The following UTRN variants were observed in gnomAD, a reference collection of about 807,000 sequenced individuals.
UTRN encodes the protein dystrophin-related protein 1.
Under a neutral mutation model 463.9 loss-of-function variants are expected in UTRN, and 283 were observed. The observed-to-expected ratio is 0.61, with a 90% CI of 0.55 to 0.67. The LOEUF is 0.67. Ranked by LOEUF, UTRN falls within the 30% of genes least tolerant of loss-of-function variation. The pLI is 0.00. For synonymous variants in UTRN, 1,442 were observed against 1,431.5 expected, an observed-to-expected ratio of 1.01 and a Z score of -0.17; for missense variants, 3,922 against 4,084.3, an observed-to-expected ratio of 0.96 and a Z score of 1.08.
chr6:144,759,580 A>T (rs1228769701), intron 58 of UTRN, among the ~76,000 whole-genome samples: 1 of 152,148 alleles, frequency 6.6e-6, no homozygotes, highest in Admixed American at 6.6e-5. Flanking sequence ...AATGGAATTA[A>T]GGTTGCAAAT....
intron 65 of UTRN, among the ~76,000 whole-genome samples, chr6:144,815,698 T>C (rs1296581991): frequency 6.6e-6 from 1 of 152,252 alleles, no homozygotes; most frequent in Non-Finnish European, 1.5e-5. Context: ...GTTCTAGCCA[T>C]ACTGGCAAGT....
intron 7 of UTRN, among the ~76,000 whole-genome samples, chr6:144,427,668 T>C (rs1179840199): frequency 6.6e-6 from 1 of 152,208 alleles, no homozygotes; most frequent in Non-Finnish European, 1.5e-5. Flanking sequence ...TGGTACACTT[T>C]TTATGAGGTT....
At chr6:144,635,514 C>CTTTTCTTTTTTTT (rs1777035213) in intron 51 of UTRN, among the ~76,000 whole-genome samples, 4 of 80,010 alleles carry the variant, frequency 5.0e-5, no homozygotes, top group African/African-American at 2.0e-4. Context: ...CTTTTTTTTT[C>CTTTTCTTTTTTTT]TTTTTTTTTT....
chr6:144,570,728 T>C lies in UTRN; in HGVS notation c.7290-6371T>C, dbSNP rs117171199. ...CCAAAGTGTGCTGCTGAAGTTACTT[T>C]ACCCAGTGGAATACTGTCTGAGGCC... is the stretch of plus-strand genomic sequence containing the variant. On this transcript the variant is annotated intron_variant, in intron 50 of 74. Coordinates refer to ENST00000367545, the MANE Select transcript of UTRN (RefSeq NM_007124.3). Among the ~76,000 whole-genome samples, 160 of 152,320 alleles carry C rather than the reference T, an allele frequency of 1.1e-3. 1 individual carries two copies. The highest frequency in any genetic ancestry group is 6.8e-3 in the South Asian group (33 of 4,828).
At chr6:144,469,910 G>GCTTGA (rs1562447744) in intron 23 of UTRN, among the ~76,000 whole-genome samples, 5 of 151,842 alleles carry the variant, frequency 3.3e-5, no homozygotes, top group Non-Finnish European at 7.4e-5. Flanking sequence ...GACTCTTAAC[G>GCTTGA]AGCATGCTGC....
intron 53 of UTRN, chr6:144,708,327 C>T (rs1027216585): frequency 6.0e-6 from 4 of 666,786 alleles, no homozygotes; most frequent in African/African-American, 3.6e-5. Context: ...AAGAAGTCTT[C>T]TGTATTTTCC....
intron 53 of UTRN, among the ~76,000 whole-genome samples, chr6:144,717,625 TTCTTTTTTC>T: frequency 3.7e-5 from 5 of 133,944 alleles, no homozygotes; most frequent in African/African-American, 1.5e-4. Flanking sequence ...TCTTTTTCTT[TTCTTTTTTC>T]TTTTTTTTTT....
intron 60 of UTRN, among the ~76,000 whole-genome samples, chr6:144,775,359 A>T (rs2128735164): frequency 6.6e-6 from 1 of 152,328 alleles, no homozygotes; most frequent in South Asian, 2.1e-4. Context: ...TGTATGGAAG[A>T]GAAGTCTACA....
chr6:144,437,707 G>A lies in UTRN; in HGVS notation c.1202G>A (p.Trp401Ter). 1.9e-6 allele frequency: 3 copies of A among 1,614,070 alleles called. No individual in the cohort carries two copies. The highest frequency in any genetic ancestry group is 2.5e-6 in the Non-Finnish European group (3 of 1,179,970). Reference protein sequence around the residue: ...QEQMTLLNARWEALRVESMDR... With the variant: ...QEQMTLLNAR The stretch of plus-strand genomic sequence containing the variant: ...CAGATGACCCTGCTGAATGCTAGAT[G>A]GGAGGCTCTTAGGGTGGAGAGTATG... The change falls in exon 11 of 75, where the codon TGG becomes TAG. Residue 401 changes from tryptophan to a stop codon, truncating the protein, a stop_gained. Transcript: ENST00000367545. LOFTEE classifies it high-confidence loss of function.
At chr6:144,441,088 A>G (rs989181106) in intron 13 of UTRN, among the ~76,000 whole-genome samples, 10 of 152,156 alleles carry the variant, frequency 6.6e-5, no homozygotes, top group Non-Finnish European at 5.9e-5. Context: ...TTGGATGGGG[A>G]CACAAGCAAA....
At chr6:144,314,934 A>T (rs1192764143) in intron 2 of UTRN, among the ~76,000 whole-genome samples, 2 of 151,374 alleles carry the variant, frequency 1.3e-5, no homozygotes, top group African/African-American at 4.9e-5. Flanking sequence ...ATGTATATAT[A>T]TACCTCTCTC....
chr6:144,593,018 TA>T (rs1803266097), intron 51 of UTRN, among the ~76,000 whole-genome samples: 1 of 152,162 alleles, frequency 6.6e-6, no homozygotes, highest in East Asian at 1.9e-4. Flanking sequence ...GAAGGGGCAG[TA>T]AAATCTGAAT....
intron 43 of UTRN, among the ~76,000 whole-genome samples, 164 bp from the exon 44 acceptor site, chr6:144,537,418 A>G (rs1271525648): frequency 6.6e-6 from 1 of 151,914 alleles, no homozygotes; most frequent in African/African-American, 2.4e-5. Context: ...CAATCTTTAT[A>G]TTGTAGAATA....
At chr6:144,567,835 A>G (rs186679088) in intron 50 of UTRN, among the ~76,000 whole-genome samples, 55 of 152,296 alleles carry the variant, frequency 3.6e-4, no homozygotes, top group Middle Eastern at 6.8e-3. Context: ...TGCTCTTTTC[A>G]TTAAACTCTT....
intron 2 of UTRN, among the ~76,000 whole-genome samples, chr6:144,333,664 C>T (rs987157725): frequency 8.6e-5 from 13 of 152,030 alleles, no homozygotes; most frequent in Admixed American, 2.6e-4. Flanking sequence ...GGTGGCAGAT[C>T]GGGCTTCTCA....
intron 60 of UTRN, among the ~76,000 whole-genome samples, chr6:144,777,235 G>A (rs994096931): frequency 2.6e-5 from 4 of 152,054 alleles, no homozygotes; most frequent in African/African-American, 9.7e-5. Context: ...ACTTTTCATA[G>A]TAAAACTCAT....
intron 19 of UTRN, 47 bp downstream of exon 19, chr6:144,453,916 C>T (rs779790423): frequency 3.3e-5 from 50 of 1,525,838 alleles, no homozygotes; most frequent in African/African-American, 4.1e-5. Context: ...ATGGTGGCAT[C>T]GAATAATATT....
At chr6:144,801,024 C>T (rs781673729) in intron 64 of UTRN, among the ~76,000 whole-genome samples, 3 of 152,076 alleles carry the variant, frequency 2.0e-5, no homozygotes, top group Admixed American at 1.3e-4. Flanking sequence ...AAAGATGGCT[C>T]AGGAAAATAC....
At position 144,482,371 on chromosome 6, in the gene UTRN, A is replaced by G; in HGVS notation, c.3670A>G (p.Lys1224Glu). 1 of 1,595,378 alleles carries G rather than the reference A, an allele frequency of 6.3e-7. No homozygotes were observed. Among genetic ancestry groups the G allele is most frequent in the Non-Finnish European group, 8.5e-7 (1 of 1,174,756 alleles). ...YQLLCNRIRG[K>E]CHTLEEVWSC... ...ACTTCTTTGTAATAGAATTCGAGGA[A>G]AGTGCCACACGCTAGAGGTATGCTA... The change falls in exon 27 of 75, where the codon AAG (lysine) becomes GAG (glutamate). Residue 1224 changes from lysine (K) to glutamate (E), a missense_variant. Physicochemically the swap from Lys to Glu is moderately conservative, Grantham distance 56. Around this residue, in one of 3 missense-constraint regions of UTRN, gnomAD observed 2,349 missense variants for 2,303.8 expected, o/e 1.02. Transcript: ENST00000367545.
Sources: gnomAD v4.1 joint callset for allele counts (sites outside exome capture counted in the v4.1 genomes callset) on GRCh38, gnomAD v4.1.1 for gene constraint, gnomAD v4.1.1 regional missense constraint, MANE v1.5 for transcripts, NCBI Gene and HGNC (gene_info 2026-07-23, HGNC 2026-07-21) for gene names.